Variants in ELMO1 observed in about 807,000 individuals in gnomAD.
The protein encoded by ELMO1 is engulfment and cell motility protein 1.
Under a neutral mutation model 98.9 loss-of-function variants are expected in ELMO1, and 26 were observed. The observed-to-expected ratio is 0.26, with a 90% confidence interval of 0.19 to 0.36. ELMO1 has a LOEUF of 0.36. Ranked by LOEUF, ELMO1 falls within the 10% of genes least tolerant of loss-of-function variation. The pLI is 1.00. For synonymous variants in ELMO1, 346 were observed against 346.0 expected (o/e 1.00, Z 0.00); for missense variants, 627 against 935.2 (o/e 0.67, Z 4.30).
chr7:37,310,562 C>A (rs917858025), intron 4 of ELMO1, among the ~76,000 whole-genome samples: 2 of 152,186 alleles, frequency 1.3e-5, no homozygotes, highest in East Asian at 3.9e-4. Flanking sequence ...AAGTTACCCT[C>A]AGAAGGAATA....
At chr7:37,158,618 C>T (rs774293539) in intron 13 of ELMO1, among the ~76,000 whole-genome samples, 3 of 152,186 alleles carry the variant, frequency 2.0e-5, no homozygotes, top group Non-Finnish European at 4.4e-5. Context: ...CATCTCACAC[C>T]AGTTAGAATG....
intron 16 of ELMO1, among the ~76,000 whole-genome samples, chr7:36,946,405 G>A (rs565021676): frequency 5.9e-5 from 9 of 152,332 alleles, no homozygotes; most frequent in African/African-American, 1.9e-4. Flanking sequence ...TGTTGCCCAA[G>A]TGGCCACTGG....
intron 13 of ELMO1, among the ~76,000 whole-genome samples, chr7:37,193,008 T>C (rs10252867): frequency 0.15 from 17,777 of 119,190 alleles, 1,524 homozygotes; most frequent in Middle Eastern, 0.25. Flanking sequence ...TATATATATA[T>C]ACACACACAC....
At chr7:37,365,570 T>G (rs1263814881) in intron 1 of ELMO1, among the ~76,000 whole-genome samples, 4 of 38,682 alleles carry the variant, frequency 1.0e-4, no homozygotes, top group African/African-American at 4.5e-4. Context: ...CAGTCATTCT[T>G]TCTTATGACC....
At chr7:37,274,949 G>A (rs558736285) in intron 4 of ELMO1, among the ~76,000 whole-genome samples, 6 of 152,164 alleles carry the variant, frequency 3.9e-5, no homozygotes, top group Non-Finnish European at 8.8e-5. Context: ...AACTGGGCTC[G>A]GAGTTTTTGT....
intron 1 of ELMO1, among the ~76,000 whole-genome samples, chr7:37,388,269 G>A (rs767508156): frequency 3.3e-5 from 5 of 152,098 alleles, no homozygotes; most frequent in Admixed American, 6.5e-5. Context: ...CAGACAACTC[G>A]ATACAGAGAC....
intron 14 of ELMO1, among the ~76,000 whole-genome samples, chr7:37,102,795 T>G (rs1208522800): frequency 6.6e-6 from 1 of 152,222 alleles, no homozygotes; most frequent in South Asian, 2.1e-4. Context: ...CATGGAAGCT[T>G]AGATGGCCTA....
intron 16 of ELMO1, among the ~76,000 whole-genome samples, chr7:36,928,097 A>G (rs1017989416): frequency 6.6e-6 from 1 of 152,240 alleles, no homozygotes; most frequent in African/African-American, 2.4e-5. Flanking sequence ...AGAAGATTCA[A>G]AAGTTTTATT....
At position 37,271,978 on chromosome 7, in the gene ELMO1, T is replaced by C. The variant is rs553739840; in HGVS notation, c.193-96A>G. The C allele has an allele frequency of 7.5e-5, 74 of 992,940 alleles. No homozygotes were observed. In the East Asian group the frequency reaches 1.4e-3, roughly 19 times the overall value. The allele number at this position is 992,940 out of a possible 1,614,324, so 61.5% of individuals were successfully genotyped here. The stretch of plus-strand genomic sequence containing the variant: ...ATAATCTAGCAGATATAACAGGCAT[T>C]CAGTTTATTCTCACTTGAATAATTT... On this transcript the variant is annotated intron_variant, in intron 4 of 21. Coordinates refer to ENST00000310758, the MANE Select transcript of ELMO1 (RefSeq NM_014800.11).
At chr7:37,021,026 G>A (rs1177223453) in intron 15 of ELMO1, among the ~76,000 whole-genome samples, 1 of 152,142 alleles carries the variant, frequency 6.6e-6, no homozygotes, top group Non-Finnish European at 1.5e-5. Context: ...TTATTCCTTT[G>A]TATAAAAATA....
At chr7:37,127,600 G>T (rs1395150511) in intron 14 of ELMO1, among the ~76,000 whole-genome samples, 1 of 152,180 alleles carries the variant, frequency 6.6e-6, no homozygotes, top group African/African-American at 2.4e-5. Context: ...AGCCTGTCTT[G>T]CATGTTACCA....
intron 15 of ELMO1, among the ~76,000 whole-genome samples, chr7:37,054,855 T>G (rs10215818): frequency 9.2e-5 from 14 of 152,340 alleles, no homozygotes; most frequent in Non-Finnish European, 1.3e-4. Flanking sequence ...TGAAAACCTG[T>G]TATAAAAATT....
At chr7:37,157,157 A>C (rs772297748) in intron 13 of ELMO1, among the ~76,000 whole-genome samples, 1 of 152,204 alleles carries the variant, frequency 6.6e-6, no homozygotes, top group Non-Finnish European at 1.5e-5. Flanking sequence ...GTATTGATGG[A>C]ATGTATCTCA....
At chr7:37,167,807 A>AT (rs1242525763) in intron 13 of ELMO1, among the ~76,000 whole-genome samples, 1 of 149,898 alleles carries the variant, frequency 6.7e-6, no homozygotes, top group East Asian at 2.0e-4. Context: ...GAATCTGACA[A>AT]TTATGTGTCT....
rs567462261 is a variant in ELMO1 at position 37,039,560 on chromosome 7, C to A, written c.1301-26125G>T. Among the ~76,000 whole-genome samples the A allele has an allele frequency of 2.0e-5, 3 of 152,188 alleles. No individual in the cohort carries two copies. In the South Asian group the frequency reaches 6.2e-4, roughly 31 times the overall value. On this transcript the variant is annotated intron_variant, in intron 15 of 21. Coordinates refer to ENST00000310758, the MANE Select transcript of ELMO1 (RefSeq NM_014800.11). ...GCAGTTTGGACTTTTCTAGTTACAG[C>A]ATCAGAAGGAAGCACTATATGAGCA...
chr7:37,250,724 G>A (rs1273191348), intron 6 of ELMO1, among the ~76,000 whole-genome samples: 3 of 149,818 alleles, frequency 2.0e-5, no homozygotes, highest in African/African-American at 5.0e-5. Context: ...CCGGGGAGGC[G>A]GAGCTTGCAA....
Position 37,000,766 on chromosome 7 carries a change from G to A in ELMO1, c.1437+12533C>T, listed in dbSNP as rs537647903. Among the ~76,000 whole-genome samples the A allele has an allele frequency of 3.3e-5, 5 of 152,128 alleles. No individual in the cohort carries two copies. In the South Asian group the frequency reaches 8.3e-4, roughly 25 times the overall value. On this transcript the variant is annotated intron_variant, in intron 16 of 21. Transcript: ENST00000310758. ...GCAGCCATCCTGGGAAAGAACAAGC[G>A]CCATTACTGATGTTATTTTTCCCAC...
At chr7:37,175,566 C>T (rs1230410961) in intron 13 of ELMO1, among the ~76,000 whole-genome samples, 1 of 152,172 alleles carries the variant, frequency 6.6e-6, no homozygotes, top group African/African-American at 2.4e-5. Flanking sequence ...ACCCAACAGG[C>T]TGGGCACTGT....
At chr7:37,367,338 A>G (rs1325223741) in intron 1 of ELMO1, among the ~76,000 whole-genome samples, 1 of 152,084 alleles carries the variant, frequency 6.6e-6, no homozygotes, top group Non-Finnish European at 1.5e-5. Context: ...AATGTTACAC[A>G]CCGGTCTATG....
Sources: allele counts gnomAD v4.1 joint callset (sites outside exome capture counted in the v4.1 genomes callset), GRCh38; gene constraint gnomAD v4.1.1; transcripts MANE v1.5; gene names NCBI Gene and HGNC (gene_info 2026-07-23, HGNC 2026-07-21).